The following PRIMA1 variants were observed in gnomAD, a reference collection of about 807,000 sequenced individuals.
The protein encoded by PRIMA1 is proline rich membrane anchor 1, also known as proline-rich membrane anchor 1.
PRIMA1 carries 7 observed loss-of-function variants against 17.5 expected under a neutral mutation model. That is an observed-to-expected ratio of 0.40 (90% CI 0.23 to 0.75). The LOEUF is 0.75. PRIMA1 is among the 30% of genes least tolerant of loss of function. The pLI, the probability that PRIMA1 is intolerant of heterozygous loss-of-function variation, is 0.37. For missense variants in PRIMA1, 200 were observed against 201.8 expected (o/e 0.99, Z 0.05); for synonymous variants, 97 against 77.9 (o/e 1.25, Z -1.29).
At chr14:93,774,664 G>A (rs762246924) in intron 3 of PRIMA1, among the ~76,000 whole-genome samples, 6 of 152,082 alleles carry the variant, frequency 3.9e-5, no homozygotes, top group Non-Finnish European at 7.4e-5. Flanking sequence ...ATTCTCCCAC[G>A]TCTTCCCAAA....
At chr14:93,736,046 G>A (rs2076148091) in intron 4 of PRIMA1, among the ~76,000 whole-genome samples, 2 of 152,140 alleles carry the variant, frequency 1.3e-5, no homozygotes, top group South Asian at 4.1e-4. Context: ...TAGAGCATTG[G>A]GCCTTTCTGT....
chr14:93,748,944 A>G (rs1467248531), intron 3 of PRIMA1, among the ~76,000 whole-genome samples: 2 of 152,054 alleles, frequency 1.3e-5, no homozygotes, highest in Non-Finnish European at 2.9e-5. Context: ...GTCTGGGTGG[A>G]GGCTGGGGCA....
In PRIMA1 at chr14:93,718,553, A is replaced by C. The variant is rs961297891; in HGVS notation, c.*2891T>G. The C allele has an allele frequency of 6.6e-6, 1 of 152,568 alleles. No homozygotes were observed. The highest frequency in any genetic ancestry group is 1.5e-5 in the Non-Finnish European group (1 of 68,046). The allele number at this position is 152,568 out of a possible 1,614,324, so 9.5% of individuals were successfully genotyped here. On this transcript the variant is annotated 3_prime_UTR_variant, in exon 5 of 5. Transcript: ENST00000393140. ...AGAAGGCAGATTTCAGGATATTCAC[A>C]TTCATGCATTACGTATCTCACACTA...
rs543583922 is a variant in PRIMA1 at position 93,780,241 on chromosome 14, C to CT, written c.94-931dup. Among the ~76,000 whole-genome samples the CT allele has an allele frequency of 1.4e-4, 22 of 152,344 alleles. No individual in the cohort carries two copies. The East Asian group carries it at 3.9e-3, about 27-fold the overall frequency. ...TCTGACCTCTTTATCCAGCCAGATC[C>CT]TTTTGTATGGGCTCTCCTGGCACCA... On this transcript the variant is annotated intron_variant, in intron 2 of 4. Transcript: ENST00000393140.
chr14:93,739,803 C>T (rs1299965829), intron 3 of PRIMA1, among the ~76,000 whole-genome samples: 4 of 152,202 alleles, frequency 2.6e-5, no homozygotes, highest in African/African-American at 7.2e-5. Context: ...TGGTGGTTCA[C>T]GCCTGTAATC....
At chr14:93,786,658 A>G (rs189392188) in intron 2 of PRIMA1, among the ~76,000 whole-genome samples, 2 of 152,256 alleles carry the variant, frequency 1.3e-5, no homozygotes, top group African/African-American at 2.4e-5. Context: ...AATGCCCAAA[A>G]CAATGAAAAT....
rs1183362896 is a variant in PRIMA1, at chr14:93,719,558, G to GAA, written c.*1885_*1886insTT. On this transcript the variant is annotated 3_prime_UTR_variant, in exon 5 of 5. Transcript: ENST00000393140. ...GGGTCCTGCCCAGGGGTCTGCTTAGGGCACAGCTTGGGGGTTCAACAGGCA... is the reference window on the plus strand; with the variant it reads ...GGGTCCTGCCCAGGGGTCTGCTTAGGAAGCACAGCTTGGGGGTTCAACAGGCA... 3 of 152,720 alleles carry GAA rather than the reference G, an allele frequency of 2.0e-5. No individual in the cohort carries two copies. Among genetic ancestry groups the GAA allele is most frequent in the African/African-American group, 7.2e-5 (3 of 41,458 alleles). 9.5% of individuals were successfully genotyped at this position (152,720 alleles called of 1,614,324 possible).
At chr14:93,766,384 AGGGTCAGGTGTG>A in intron 3 of PRIMA1, among the ~76,000 whole-genome samples, 2 of 152,300 alleles carry the variant, frequency 1.3e-5, no homozygotes, top group Middle Eastern at 6.8e-3. Context: ...GAGTCACCTC[AGGGTCAGGTGTG>A]CTGGGAGAGA....
At chr14:93,757,283 G>A (rs2076297551) in intron 3 of PRIMA1, among the ~76,000 whole-genome samples, 1 of 152,136 alleles carries the variant, frequency 6.6e-6, no homozygotes, top group South Asian at 2.1e-4. Flanking sequence ...CTCTGACACG[G>A]CCGCACTTGA....
upstream of PRIMA1, among the ~76,000 whole-genome samples, chr14:93,788,959 C>G (rs1390343238): frequency 6.6e-6 from 1 of 152,040 alleles, no homozygotes; most frequent in Non-Finnish European, 1.5e-5. Flanking sequence ...CGAGAGGCAG[C>G]GGCGGGAGGC....
Position 93,718,750 on chromosome 14 carries a change from AG to A in PRIMA1, c.*2693del, listed in dbSNP as rs2076019202. The A allele has an allele frequency of 6.6e-6, 1 of 152,504 alleles. No homozygotes were observed. The highest frequency in any genetic ancestry group is 2.4e-5 in the African/African-American group (1 of 41,392). 9.4% of individuals were successfully genotyped at this position (152,504 alleles called of 1,614,324 possible). ...CCAAAACTTCCTTTAGAAGCTTCTTAGGAACACCTGAAACCTCTGGGAGATC... is the reference window on the plus strand; with the variant it reads ...CCAAAACTTCCTTTAGAAGCTTCTTAGAACACCTGAAACCTCTGGGAGATC... On this transcript the variant is annotated 3_prime_UTR_variant, in exon 5 of 5. Transcript: ENST00000393140.
intron 3 of PRIMA1, among the ~76,000 whole-genome samples, chr14:93,778,867 C>T (rs1484017411): frequency 6.6e-6 from 1 of 151,074 alleles, no homozygotes; most frequent in Admixed American, 6.6e-5. Flanking sequence ...CTATTTAAGA[C>T]CAGTCCCCAG....
At chr14:93,774,624 C>T (rs528007517) in intron 3 of PRIMA1, among the ~76,000 whole-genome samples, 1 of 152,328 alleles carries the variant, frequency 6.6e-6, no homozygotes, top group East Asian at 1.9e-4. Context: ...CAGCCTCCCT[C>T]TGCTCCCACC....
chr14:93,756,903 G>C (rs117690660), intron 3 of PRIMA1, among the ~76,000 whole-genome samples: 1 of 152,094 alleles, frequency 6.6e-6, no homozygotes, highest in Non-Finnish European at 1.5e-5. Flanking sequence ...GCAGCCTCTG[G>C]GCCAGTCTCT....
At chr14:93,734,495 C>T (rs1470764425) in intron 4 of PRIMA1, among the ~76,000 whole-genome samples, 1 of 152,232 alleles carries the variant, frequency 6.6e-6, no homozygotes, top group Non-Finnish European at 1.5e-5. Context: ...TCCCACGGCA[C>T]TAGTTTCCCG....
At chr14:93,743,224 C>T (rs1033083182) in intron 3 of PRIMA1, among the ~76,000 whole-genome samples, 3 of 152,200 alleles carry the variant, frequency 2.0e-5, no homozygotes, top group Non-Finnish European at 4.4e-5. Context: ...TCCCTGGTTC[C>T]GGAGCACAGC....
intron 2 of PRIMA1, among the ~76,000 whole-genome samples, chr14:93,781,139 C>T (rs1885366861): frequency 6.6e-6 from 1 of 152,254 alleles, no homozygotes; most frequent in Non-Finnish European, 1.5e-5. Flanking sequence ...GAGGCTCCTG[C>T]TCATCACCTT....
In PRIMA1 at chr14:93,770,421, C is replaced by T. The variant is rs1003825356; in HGVS notation, c.229+8755G>A. ...TGTGGGCTCACCTCCTGCAGTCTTC[C>T]CTCGTAGCAGGCAGCAGCCACGCTG... On this transcript the variant is annotated intron_variant, in intron 3 of 4. Coordinates refer to ENST00000393140, the MANE Select transcript of PRIMA1 (RefSeq NM_178013.4). 1.7e-4 allele frequency among the ~76,000 whole-genome samples: 26 copies of T among 152,224 alleles called. 1 individual carries two copies. The highest frequency in any genetic ancestry group is 5.8e-4 in the African/African-American group (24 of 41,444).
chr14:93,748,951 G>A (rs931221210), intron 3 of PRIMA1, among the ~76,000 whole-genome samples: 29 of 152,070 alleles, frequency 1.9e-4, no homozygotes, highest in Admixed American at 1.9e-3. Context: ...TGGAGGCTGG[G>A]GCAGGAGCCG....
Sources: gnomAD v4.1 joint callset for allele counts (sites outside exome capture counted in the v4.1 genomes callset) on GRCh38, gnomAD v4.1.1 for gene constraint, MANE v1.5 for transcripts, NCBI Gene and HGNC (gene_info 2026-07-23, HGNC 2026-07-21) for gene names.